LURAP1: variants seen among roughly 807,000 people sequenced by gnomAD.
The protein encoded by LURAP1 is leucine rich adaptor protein 1, also known as NF-kappa-B activator C1orf190.
A neutral mutation model predicts 19.0 loss-of-function variants in LURAP1; 14 were observed. That is an observed-to-expected ratio of 0.74 (90% CI 0.49 to 1.15). The LOEUF is 1.15. Among genes scored for constraint, LURAP1 ranks in the 50% most tolerant of loss-of-function variants. The pLI is 0.00. For missense variants in LURAP1, 273 were observed against 309.1 expected (o/e 0.88, Z 0.87); for synonymous variants, 129 against 131.8 (o/e 0.98, Z 0.14).
Position 46,220,173 on chromosome 1 carries a change from G to A in LURAP1, c.673G>A (p.Ala225Thr). ...TGAGAGTGCCAAGCTGGGCTTCGAGGCCCACTGGTTCTGGGAGCAGTGCCA... is the reference window on the plus strand; with the variant it reads ...TGAGAGTGCCAAGCTGGGCTTCGAGACCCACTGGTTCTGGGAGCAGTGCCA... ...EDESAKLGFEAHWFWEQCQDD... is the reference protein window; with the variant it reads ...EDESAKLGFETHWFWEQCQDD... Residue 225 changes from alanine (A) to threonine (T), a missense_variant, in exon 2 of 2, where the codon GCC becomes ACC. Coordinates refer to ENST00000371980, the MANE Select transcript of LURAP1 (RefSeq NM_001013615.3). The A allele has an allele frequency of 6.2e-7, 1 of 1,613,910 alleles. No homozygotes were observed. The highest frequency in any genetic ancestry group is 2.2e-5 in the East Asian group (1 of 44,886).
chr1:46,213,009 GTCC>G (rs979315713), intron 1 of LURAP1, among the ~76,000 whole-genome samples: 1 of 151,908 alleles, frequency 6.6e-6, no homozygotes, highest in African/African-American at 2.4e-5. Context: ...CTAGTGATCT[GTCC>G]TCCTCAGCTT....
At chr1:46,207,499 T>A (rs550943025) in intron 1 of LURAP1, among the ~76,000 whole-genome samples, 14 of 152,264 alleles carry the variant, frequency 9.2e-5, no homozygotes, top group Admixed American at 7.2e-4. Flanking sequence ...AGCAGTTGTT[T>A]CCACTAGCGT....
intron 1 of LURAP1, among the ~76,000 whole-genome samples, chr1:46,214,745 A>T (rs902033367): frequency 6.6e-6 from 1 of 151,934 alleles, no homozygotes; most frequent in East Asian, 1.9e-4. Flanking sequence ...AGACACCTGT[A>T]ATTCCAGTTA....
chr1:46,219,778 T>C lies in LURAP1; in HGVS notation c.278T>C (p.Leu93Pro), dbSNP rs746465104. Residue 93 changes from leucine (L) to proline (P), a missense_variant, in exon 2 of 2, where the codon CTG becomes CCG. Transcript: ENST00000371980. ...GAGGGCATCGAGGCAGTGCGCTGGC[T>C]GTTGGAGGAGCGGGGGACGTTGACC... ...LNEGIEAVRW[L>P]LEERGTLTSH... The C allele has an allele frequency of 6.2e-7, 1 of 1,614,014 alleles. No homozygotes were observed. The highest frequency in any genetic ancestry group is 1.3e-5 in the African/African-American group (1 of 74,928).
chr1:46,220,403 G>T lies in LURAP1; in HGVS notation c.*183G>T. 1.6e-6 allele frequency: 1 copy of T among 617,494 alleles called. No individual in the cohort carries two copies. The highest frequency in any genetic ancestry group is 2.7e-6 in the Non-Finnish European group (1 of 365,202). 38.3% of individuals were successfully genotyped at this position (617,494 alleles called of 1,614,324 possible). ...CTCTGCCTTTATCCCTCAATTATTG[G>T]GTCCCTAGAGCTAGCTTGCTCTTTC... On this transcript the variant is annotated 3_prime_UTR_variant, in exon 2 of 2. Coordinates refer to ENST00000371980, the MANE Select transcript of LURAP1 (RefSeq NM_001013615.3).
At chr1:46,210,803 C>T (rs541798363) in intron 1 of LURAP1, among the ~76,000 whole-genome samples, 1 of 152,074 alleles carries the variant, frequency 6.6e-6, no homozygotes, top group Non-Finnish European at 1.5e-5. Context: ...GAGACAAGGT[C>T]TGGTTCTGTT....
chr1:46,215,551 A>C (rs1420477408), intron 1 of LURAP1, among the ~76,000 whole-genome samples: 1 of 152,224 alleles, frequency 6.6e-6, no homozygotes, highest in Non-Finnish European at 1.5e-5. Context: ...GGTCACATAC[A>C]AAGGATCAGG....
At chr1:46,215,566 G>A (rs1438447754) in intron 1 of LURAP1, among the ~76,000 whole-genome samples, 2 of 152,204 alleles carry the variant, frequency 1.3e-5, no homozygotes, top group Admixed American at 1.3e-4. Flanking sequence ...ATCAGGGATT[G>A]GAATGGCATT....
chr1:46,220,109 G>T lies in LURAP1; in HGVS notation c.609G>T (p.Gly203=). 12 of 1,614,244 alleles carry T rather than the reference G, an allele frequency of 7.4e-6. No homozygotes were observed. The highest frequency in any genetic ancestry group is 1.0e-5 in the Non-Finnish European group (12 of 1,180,038). Residue 203 remains glycine (G), a synonymous_variant, in exon 2 of 2, where the codon GGG becomes GGT. Transcript: ENST00000371980. The part of the protein sequence containing the change: ...GSLRAVWKPP[G]ERLQGGPPES... ...TGAGAGCTGTGTGGAAGCCCCCAGGGGAGAGGCTTCAAGGTGGACCACCTG... is the reference window on the plus strand; with the variant it reads ...TGAGAGCTGTGTGGAAGCCCCCAGGTGAGAGGCTTCAAGGTGGACCACCTG...
chr1:46,212,303 C>T (rs1178562434), intron 1 of LURAP1, among the ~76,000 whole-genome samples: 15 of 145,952 alleles, frequency 1.0e-4, no homozygotes, highest in Admixed American at 2.1e-4. Context: ...TTTTTTGAGA[C>T]GGAGTCTTGC....
intron 1 of LURAP1, among the ~76,000 whole-genome samples, chr1:46,210,753 G>A (rs1658867930): frequency 1.3e-5 from 2 of 152,074 alleles, no homozygotes; most frequent in South Asian, 2.1e-4. Context: ...CTACTTGGAC[G>A]CTCTCTGAAT....
At chr1:46,217,400 ATGT>A (rs35152098) in intron 1 of LURAP1, among the ~76,000 whole-genome samples, 30,863 of 152,106 alleles carry the variant, frequency 0.2, 3,210 homozygotes, top group Admixed American at 0.25. Flanking sequence ...TAAGGATAAA[ATGT>A]TGTAAGAAAT....
chr1:46,213,279 A>G (rs1658960808), intron 1 of LURAP1, among the ~76,000 whole-genome samples: 1 of 150,886 alleles, frequency 6.6e-6, no homozygotes, highest in Non-Finnish European at 1.5e-5. Flanking sequence ...GATATATGGC[A>G]CTTGATATTG....
At chr1:46,206,382 T>A (rs1390416266) in intron 1 of LURAP1, among the ~76,000 whole-genome samples, 1 of 152,106 alleles carries the variant, frequency 6.6e-6, no homozygotes. Context: ...ATTTCCAGGC[T>A]TTTACCCTAG....
At chr1:46,217,798 A>G (rs552494482) in intron 1 of LURAP1, among the ~76,000 whole-genome samples, 1 of 152,306 alleles carries the variant, frequency 6.6e-6, no homozygotes, top group South Asian at 2.1e-4. Context: ...CGGAGGTTGC[A>G]GTGAGCTAAG....
Position 46,219,841 on chromosome 1 carries a change from T to C in LURAP1, c.341T>C (p.Leu114Pro), listed in dbSNP as rs756360959. 3 of 1,614,140 alleles carry C rather than the reference T, an allele frequency of 1.9e-6. No individual in the cohort carries two copies. In the South Asian group the frequency reaches 3.3e-5, roughly 18 times the overall value. ...AGCCTCACCAGCAGTCAATATAGCC[T>C]GACAGGCGGGAGCCCAGGCCGCTCA... ...CSSLTSSQYS[L>P]TGGSPGRSRR... The change falls in exon 2 of 2, where the codon CTG becomes CCG. Residue 114 changes from leucine to proline, a missense_variant. Leu to Pro is a moderately conservative substitution (Grantham distance 98). Transcript: ENST00000371980.
intron 1 of LURAP1, among the ~76,000 whole-genome samples, chr1:46,210,832 T>G (rs1005645286): frequency 1.3e-4 from 20 of 152,118 alleles, no homozygotes; most frequent in African/African-American, 4.1e-4. Context: ...TGGAGTACAG[T>G]GGCTCAATCA....
At chr1:46,213,222 TACC>T (rs1226548655) in intron 1 of LURAP1, among the ~76,000 whole-genome samples, 1 of 151,576 alleles carries the variant, frequency 6.6e-6, no homozygotes, top group Non-Finnish European at 1.5e-5. Context: ...GAACAGCATA[TACC>T]ATAGTGATTT....
At chr1:46,207,544 C>CTTT (rs565434779) in intron 1 of LURAP1, among the ~76,000 whole-genome samples, 2 of 146,554 alleles carry the variant, frequency 1.4e-5, no homozygotes, top group Non-Finnish European at 3.0e-5. Context: ...TTCTTTCTTT[C>CTTT]TTTTTTTTTT....
Sources: gnomAD v4.1 joint callset for allele counts (sites outside exome capture counted in the v4.1 genomes callset) on GRCh38, gnomAD v4.1.1 for gene constraint, MANE v1.5 for transcripts, NCBI Gene and HGNC (gene_info 2026-07-23, HGNC 2026-07-21) for gene names.